Variants in LARGE1 observed in about 807,000 individuals in gnomAD.
LARGE1 encodes xylosyl- and glucuronyltransferase LARGE1.
In LARGE1, 43 loss-of-function variants were observed where a neutral mutation model predicts 87.6. That is an observed-to-expected ratio of 0.49 (90% CI 0.38 to 0.63). The LOEUF (loss-of-function observed/expected upper bound fraction) is 0.63, where lower values mean the gene tolerates loss of function less well. Ranked by LOEUF, LARGE1 falls within the 30% of genes least tolerant of loss-of-function variation. The probability of loss-of-function intolerance (pLI) is 0.00; values close to 1 mark genes in which losing one functional copy is unlikely to be tolerated. For synonymous variants in LARGE1, 434 were observed against 394.6 expected (o/e 1.10, Z -1.18); for missense variants, 802 against 1,000.2 (o/e 0.80, Z 2.67).
chr22:33,262,807 C>T (rs911230151), intron 11 of LARGE1, among the ~76,000 whole-genome samples: 1 of 150,240 alleles, frequency 6.7e-6, no homozygotes, highest in Non-Finnish European at 1.5e-5. Flanking sequence ...TTCCTTCCTT[C>T]CTTCTTTCCT....
chr22:33,743,590 T>C (rs555188589), intron 2 of LARGE1, among the ~76,000 whole-genome samples: 2 of 152,334 alleles, frequency 1.3e-5, no homozygotes, highest in Admixed American at 6.5e-5. Context: ...TGTAAAAGTA[T>C]GTTGGCTACC....
chr22:33,790,696 G>A (rs145400492), intron 1 of LARGE1, among the ~76,000 whole-genome samples: 156 of 152,148 alleles, frequency 1.0e-3, no homozygotes, highest in African/African-American at 3.4e-3. Flanking sequence ...ATGCCTCTCC[G>A]GAAGCTGACC....
At chr22:33,563,749 T>A (rs1412430178) in intron 6 of LARGE1, among the ~76,000 whole-genome samples, 1 of 152,200 alleles carries the variant, frequency 6.6e-6, no homozygotes, top group African/African-American at 2.4e-5. Context: ...AATGATGTCA[T>A]TGTTAGTGTC....
At chr22:33,276,444 G>A (rs1209457933) in intron 14 of LARGE1, among the ~76,000 whole-genome samples, 1 of 152,218 alleles carries the variant, frequency 6.6e-6, no homozygotes, top group East Asian at 1.9e-4. Context: ...GAGACCTGTA[G>A]GTCCCATGAA....
At chr22:33,462,251 A>G (rs1034571205) in intron 6 of LARGE1, among the ~76,000 whole-genome samples, 1 of 152,214 alleles carries the variant, frequency 6.6e-6, no homozygotes, top group African/African-American at 2.4e-5. Flanking sequence ...CAGTGTGCTG[A>G]GAGAAAATAA....
chr22:33,321,431 T>G (rs751183865), intron 10 of LARGE1, among the ~76,000 whole-genome samples: 51 of 152,184 alleles, frequency 3.4e-4, no homozygotes, highest in Non-Finnish European at 7.1e-4. Flanking sequence ...ACCATAATGT[T>G]ACCTCCCGGC....
At chr22:33,837,115 C>T (rs1467945320) in intron 1 of LARGE1, among the ~76,000 whole-genome samples, 1 of 152,104 alleles carries the variant, frequency 6.6e-6, no homozygotes, top group African/African-American at 2.4e-5. Flanking sequence ...TCTCCAGCCT[C>T]TTGTCCCACT....
intron 6 of LARGE1, among the ~76,000 whole-genome samples, chr22:33,540,805 C>T (rs2077169950): frequency 6.6e-6 from 1 of 151,954 alleles, no homozygotes; most frequent in Non-Finnish European, 1.5e-5. Context: ...TTGACAACAA[C>T]TGCACTCAGA....
chr22:33,341,585 C>T (rs1404024196), intron 9 of LARGE1, among the ~76,000 whole-genome samples: 1 of 149,754 alleles, frequency 6.7e-6, no homozygotes, highest in African/African-American at 2.6e-5. Context: ...TTTTCTCTCT[C>T]ATGGCACAGT....
At position 33,492,145 on chromosome 22, in the gene LARGE1, G is replaced by A. The variant is rs924923651; in HGVS notation, c.788-59880C>T. ...ACAGCAAGACTGATGGGGCCTTGTC[G>A]GCCACTGGCAGGTGACAGATGAGCC... On this transcript the variant is annotated intron_variant, in intron 6 of 14. Coordinates refer to ENST00000397394, the MANE Select transcript of LARGE1 (RefSeq NM_133642.5). Among the ~76,000 whole-genome samples the A allele has an allele frequency of 5.3e-5, 8 of 152,176 alleles. No homozygotes were observed. The South Asian group carries it at 6.2e-4, about 12-fold the overall frequency.
intron 1 of LARGE1, among the ~76,000 whole-genome samples, chr22:33,775,087 C>T (rs1227863008): frequency 6.6e-6 from 1 of 152,174 alleles, no homozygotes; most frequent in Non-Finnish European, 1.5e-5. Context: ...ACCCAGGTAC[C>T]ATACTGACAC....
chr22:33,315,780 C>T (rs1409690671), intron 11 of LARGE1, among the ~76,000 whole-genome samples: 1 of 152,150 alleles, frequency 6.6e-6, no homozygotes, highest in Non-Finnish European at 1.5e-5. Flanking sequence ...CAGGCGCACA[C>T]CACCATGCCC....
chr22:33,687,369 T>C (rs1603146992), intron 2 of LARGE1, among the ~76,000 whole-genome samples: 1 of 148,452 alleles, frequency 6.7e-6, no homozygotes, highest in African/African-American at 2.5e-5. Flanking sequence ...TCAGTCTCCA[T>C]CCCTTTACCT....
chr22:33,854,571 A>C (rs969599027), intron 1 of LARGE1, among the ~76,000 whole-genome samples: 1 of 152,222 alleles, frequency 6.6e-6, no homozygotes, highest in Non-Finnish European at 1.5e-5. Context: ...GATAAATTCC[A>C]AAGCAAGTAA....
intron 3 of LARGE1, 39 bp from the exon 4 acceptor site, chr22:33,626,365 C>T (rs145859359): frequency 4.7e-5 from 72 of 1,525,290 alleles, no homozygotes; most frequent in African/African-American, 2.4e-4. Flanking sequence ...GTCAGACAGA[C>T]GGAAGGAGGC....
chr22:33,894,179 C>T (rs569163526), intron 1 of LARGE1, among the ~76,000 whole-genome samples: 1 of 152,190 alleles, frequency 6.6e-6, no homozygotes, highest in African/African-American at 2.4e-5. Flanking sequence ...GTCTTCTCTA[C>T]TTCCTGTTCA....
chr22:33,170,878 C>T (rs753719846), intron 11 of LARGE1, among the ~76,000 whole-genome samples: 50 of 152,102 alleles, frequency 3.3e-4, no homozygotes, highest in Non-Finnish European at 5.6e-4. Context: ...TAACAGACAG[C>T]GGTTGGAACA....
In LARGE1 at chr22:33,852,892, GAAAGA is replaced by G. The variant is rs2063649957; in HGVS notation, c.-83+67098_-83+67102del. On this transcript the variant is annotated intron_variant, in intron 1 of 14. Coordinates refer to ENST00000397394, the MANE Select transcript of LARGE1 (RefSeq NM_133642.5). ...AAAAAAAAAAAAAGAAAGAAAGAAAGAAAGAAAAGTGATAAGTGCTATGAAAATAA... is the reference window on the plus strand; with the variant it reads ...AAAAAAAAAAAAAGAAAGAAAGAAAGAAAGTGATAAGTGCTATGAAAATAA... 3.9e-5 allele frequency among the ~76,000 whole-genome samples: 4 copies of G among 101,968 alleles called. No individual in the cohort carries two copies. The South Asian group carries it at 1.4e-3, about 36-fold the overall frequency. 66.9% of individuals were successfully genotyped at this position (101,968 alleles called of 152,430 possible). A position where few individuals can be genotyped will look rare whatever the true frequency, so the allele number is the denominator to read the frequency against.
chr22:33,866,448 G>A (rs192995286), intron 1 of LARGE1, among the ~76,000 whole-genome samples: 5 of 152,320 alleles, frequency 3.3e-5, no homozygotes, highest in Non-Finnish European at 7.3e-5. Flanking sequence ...ATCGGATGGT[G>A]CAGATGGAGA....
Sources: allele counts gnomAD v4.1 joint callset (sites outside exome capture counted in the v4.1 genomes callset), GRCh38; gene constraint gnomAD v4.1.1; transcripts MANE v1.5; gene names NCBI Gene and HGNC (gene_info 2026-07-23, HGNC 2026-07-21).